DNAI4: variants seen among roughly 807,000 people sequenced by gnomAD.
DNAI4 encodes the protein WD repeat domain 78.
Under a neutral mutation model 105.8 loss-of-function variants are expected in DNAI4, and 85 were observed. The observed-to-expected ratio is 0.80, with a 90% CI of 0.67 to 0.96. The LOEUF (loss-of-function observed/expected upper bound fraction) is 0.96, where lower values mean the gene tolerates loss of function less well. Among genes scored for constraint, DNAI4 ranks in the 40% least tolerant of loss-of-function variants. DNAI4 has a pLI of 0.00. For synonymous variants in DNAI4, 352 were observed against 331.5 expected (o/e 1.06, Z -0.67); for missense variants, 1,014 against 1,005.6 (o/e 1.01, Z -0.11).
intron 15 of DNAI4, 90 bp downstream of exon 15, chr1:66,826,730 C>A: frequency 8.8e-7 from 1 of 1,134,018 alleles, no homozygotes; most frequent in Admixed American, 2.1e-5. Context: ...AAAGTAACTA[C>A]AATACCCTCT....
intron 7 of DNAI4, among the ~76,000 whole-genome samples, chr1:66,849,789 C>T (rs1646356889): frequency 6.6e-6 from 1 of 151,950 alleles, no homozygotes; most frequent in African/African-American, 2.4e-5. Context: ...ATTTAAAACT[C>T]AATGGATGGG....
intron 1 of DNAI4, among the ~76,000 whole-genome samples, chr1:66,912,343 C>T (rs1649722417): frequency 6.6e-6 from 1 of 152,000 alleles, no homozygotes; most frequent in Admixed American, 6.6e-5. Flanking sequence ...GTGGGACACA[C>T]CTGTAATCCC....
At chr1:66,911,194 C>A (rs1378613717) in intron 1 of DNAI4, among the ~76,000 whole-genome samples, 3 of 152,192 alleles carry the variant, frequency 2.0e-5, no homozygotes, top group African/African-American at 7.2e-5. Flanking sequence ...GATCACAGAA[C>A]TCAGAGAAAC....
chr1:66,848,998 C>G (rs1646337478), intron 7 of DNAI4, among the ~76,000 whole-genome samples: 1 of 152,186 alleles, frequency 6.6e-6, no homozygotes, highest in South Asian at 2.1e-4. Context: ...GAAGGCCCAG[C>G]AGGCAGGCAG....
intron 2 of DNAI4, among the ~76,000 whole-genome samples, chr1:66,901,812 G>T (rs1405138451): frequency 2.0e-5 from 3 of 152,166 alleles, no homozygotes; most frequent in African/African-American, 7.2e-5. Flanking sequence ...TTTGAGAAAG[G>T]ATATAGCTCT....
chr1:66,919,962 G>A (rs1196920399), intron 1 of DNAI4, among the ~76,000 whole-genome samples: 2 of 152,210 alleles, frequency 1.3e-5, no homozygotes, highest in Non-Finnish European at 2.9e-5. Flanking sequence ...TAGGAAGCAG[G>A]GAAATTCTGG....
intron 1 of DNAI4, among the ~76,000 whole-genome samples, chr1:66,914,389 A>C (rs1490785955): frequency 6.6e-6 from 1 of 152,210 alleles, no homozygotes; most frequent in Non-Finnish European, 1.5e-5. Flanking sequence ...GTTTTGATCC[A>C]ACAAGTTCTT....
chr1:66,851,058 A>C (rs1646386405), intron 7 of DNAI4, among the ~76,000 whole-genome samples: 1 of 151,970 alleles, frequency 6.6e-6, no homozygotes, highest in South Asian at 2.1e-4. Flanking sequence ...TGACAAAAAA[A>C]ATTGGATTAA....
chr1:66,862,194 AG>A lies in DNAI4; in HGVS notation c.1048del (p.Leu350PhefsTer23), dbSNP rs1162392125. On this transcript the variant is annotated frameshift_variant, in exon 7 of 17. Coordinates refer to ENST00000371026, the MANE Select transcript of DNAI4 (RefSeq NM_024763.5). LOFTEE classifies it high-confidence loss of function. ...VVESSSKANV[L>X]PKDQDQRLPG... ...CAATCTTTGGTCCTGATCTTTAGGAAGTACATTTGCTTTACTACTTGACTCA... is the reference window on the plus strand; with the variant it reads ...CAATCTTTGGTCCTGATCTTTAGGAATACATTTGCTTTACTACTTGACTCA... 1.2e-5 allele frequency: 20 copies of A among 1,604,988 alleles called. No individual in the cohort carries two copies. The highest frequency in any genetic ancestry group is 1.6e-5 in the Non-Finnish European group (19 of 1,176,938).
At chr1:66,883,180 CTTTT>C (rs755412295) in intron 4 of DNAI4, among the ~76,000 whole-genome samples, 2 of 93,024 alleles carry the variant, frequency 2.1e-5, no homozygotes, top group African/African-American at 8.5e-5. Flanking sequence ...GTTTTCTTTT[CTTTT>C]TTTTTTTTTT....
chr1:66,886,602 G>C (rs1157617517), intron 4 of DNAI4, among the ~76,000 whole-genome samples: 1 of 152,068 alleles, frequency 6.6e-6, no homozygotes, highest in Non-Finnish European at 1.5e-5. Context: ...CCTATGTCTT[G>C]CAATTCTTTC....
intron 5 of DNAI4, among the ~76,000 whole-genome samples, chr1:66,873,636 T>C (rs1375349020): frequency 6.6e-6 from 1 of 152,208 alleles, no homozygotes; most frequent in African/African-American, 2.4e-5. Flanking sequence ...GAGTTGACTC[T>C]ACTGGCCTAG....
chr1:66,901,509 T>C (rs2100815635), intron 2 of DNAI4, among the ~76,000 whole-genome samples: 1 of 152,354 alleles, frequency 6.6e-6, no homozygotes, highest in Middle Eastern at 3.4e-3. Flanking sequence ...TTAGTGAATA[T>C]TTTTCTAATG....
chr1:66,894,102 T>G (rs986427123), intron 2 of DNAI4, among the ~76,000 whole-genome samples: 2 of 152,218 alleles, frequency 1.3e-5, no homozygotes, highest in Admixed American at 6.5e-5. Context: ...TTTTTAATAT[T>G]TTAGAGTGTA....
Position 66,822,450 on chromosome 1 carries a change from G to C in DNAI4, c.2407C>G (p.Gln803Glu). Residue 803 changes from glutamine to glutamate, a missense_variant, in exon 16 of 17, where the codon CAA becomes GAA. Coordinates refer to ENST00000371026, the MANE Select transcript of DNAI4 (RefSeq NM_024763.5). ...TCTCCTACCAGAAGGCAATCTGTTT[G>C]TTTGGCAAAGAGAATGGTTGTGAAC... ...IKFTTILFAK[Q>E]TDCLLVGDSD... 1 of 1,613,482 alleles carries C rather than the reference G, an allele frequency of 6.2e-7. No homozygotes were observed. Among genetic ancestry groups the C allele is most frequent in the Non-Finnish European group, 8.5e-7 (1 of 1,179,770 alleles).
At chr1:66,922,562 A>G (rs372142647) in intron 1 of DNAI4, among the ~76,000 whole-genome samples, 5 of 152,340 alleles carry the variant, frequency 3.3e-5, no homozygotes, top group Middle Eastern at 3.4e-3. Flanking sequence ...AACCACATTG[A>G]TTACTACCTG....
chr1:66,858,022 T>A (rs751750416), intron 7 of DNAI4, among the ~76,000 whole-genome samples: 25 of 152,156 alleles, frequency 1.6e-4, no homozygotes, highest in Non-Finnish European at 3.5e-4. Flanking sequence ...CAATAATTAA[T>A]AACCTTCCAA....
At chr1:66,858,071 A>T (rs556329165) in intron 7 of DNAI4, among the ~76,000 whole-genome samples, 6 of 152,292 alleles carry the variant, frequency 3.9e-5, no homozygotes, top group African/African-American at 1.2e-4. Context: ...AATTCTACCA[A>T]ATACTAAAGG....
At chr1:66,831,975 G>A (rs1232217449) in intron 13 of DNAI4, among the ~76,000 whole-genome samples, 1 of 152,132 alleles carries the variant, frequency 6.6e-6, no homozygotes, top group East Asian at 1.9e-4. Flanking sequence ...CACTGGGAGG[G>A]TGGTGGCTGC....
Sources: allele counts gnomAD v4.1 joint callset (sites outside exome capture counted in the v4.1 genomes callset), GRCh38; gene constraint gnomAD v4.1.1; transcripts MANE v1.5; gene names NCBI Gene and HGNC (gene_info 2026-07-23, HGNC 2026-07-21).